RABGAP1L: variants seen among roughly 807,000 people sequenced by gnomAD.
RABGAP1L encodes rab GTPase-activating protein 1-like.
RABGAP1L carries 63 observed loss-of-function variants against 137.7 expected under a neutral mutation model. The observed-to-expected ratio is 0.46, with a 90% confidence interval of 0.37 to 0.56. The LOEUF is 0.56. Among genes scored for constraint, RABGAP1L ranks in the 20% least tolerant of loss-of-function variants. The pLI is 0.00. For missense variants in RABGAP1L, 1,095 were observed against 1,244.0 expected, an observed-to-expected ratio of 0.88 and a Z score of 1.80; for synonymous variants, 431 against 433.7, an observed-to-expected ratio of 0.99 and a Z score of 0.08.
At chr1:174,808,609 T>G (rs752243212) in intron 18 of RABGAP1L, among the ~76,000 whole-genome samples, 1 of 152,102 alleles carries the variant, frequency 6.6e-6, no homozygotes, top group African/African-American at 2.4e-5. Flanking sequence ...TATTTCATTC[T>G]CAAATACTTG....
intron 12 of RABGAP1L, among the ~76,000 whole-genome samples, chr1:174,374,774 A>T (rs1233300230): frequency 6.6e-6 from 1 of 152,218 alleles, no homozygotes; most frequent in Non-Finnish European, 1.5e-5. Flanking sequence ...TGAAGCTTTT[A>T]TAAACCTGCT....
intron 13 of RABGAP1L, among the ~76,000 whole-genome samples, chr1:174,444,438 A>G (rs1490800939): frequency 2.0e-5 from 3 of 151,916 alleles, no homozygotes; most frequent in East Asian, 1.9e-4. Flanking sequence ...TTTGGTATCA[A>G]GATAGTGCTG....
intron 19 of RABGAP1L, among the ~76,000 whole-genome samples, chr1:174,919,155 A>C (rs577267320): frequency 5.3e-4 from 81 of 151,764 alleles, no homozygotes; most frequent in African/African-American, 1.8e-3. Flanking sequence ...AGTAGCTGGG[A>C]TTACAGACAT....
At chr1:174,179,541 C>T (rs1040912568) in intron 1 of RABGAP1L, among the ~76,000 whole-genome samples, 8 of 125,506 alleles carry the variant, frequency 6.4e-5, no homozygotes, top group Admixed American at 8.8e-5. Context: ...AGTCTTAGCA[C>T]GTGCACACAC....
intron 24 of RABGAP1L, 110 bp from the exon 25 acceptor site, chr1:174,988,524 AGAAATGG>A: frequency 1.1e-6 from 1 of 899,516 alleles, no homozygotes; most frequent in Non-Finnish European, 1.6e-6. Flanking sequence ...ATTAACCTTC[AGAAATGG>A]GCCTGCATCT....
At chr1:174,647,320 T>C (rs1334786782) in intron 14 of RABGAP1L, among the ~76,000 whole-genome samples, 2 of 152,162 alleles carry the variant, frequency 1.3e-5, no homozygotes, top group African/African-American at 4.8e-5. Flanking sequence ...CTTTTGCCCA[T>C]TCAGTATGAT....
intron 21 of RABGAP1L, 24 bp from the exon 22 acceptor site, chr1:174,976,044 GTGATGTATGA>G: frequency 1.1e-6 from 1 of 946,922 alleles, no homozygotes; most frequent in Non-Finnish European, 1.5e-6. Context: ...CTGTATGACT[GTGATGTATGA>G]CTGTGATGCA....
At position 174,819,187 on chromosome 1, in the gene RABGAP1L, T is replaced by TAAAA. The variant is rs71299431; in HGVS notation, c.2340+7250_2340+7253dup. ...GACAGAGCAAGACTCTGCCTGTCTC[T>TAAAA]AAAAAAAAAAAAAAAAAAAAAAAAA... On this transcript the variant is annotated intron_variant, in intron 19 of 25. Transcript: ENST00000681986. 3.3e-4 allele frequency among the ~76,000 whole-genome samples: 15 copies of TAAAA among 44,872 alleles called. 1 individual carries two copies. The highest frequency in any genetic ancestry group is 5.3e-4 in the Non-Finnish European group (13 of 24,352). 29.4% of individuals were successfully genotyped at this position (44,872 alleles called of 152,430 possible).
At position 174,643,346 on chromosome 1, in the gene RABGAP1L, G is replaced by A. The variant is rs189622927; in HGVS notation, c.1824+5858G>A. 9.4e-4 allele frequency among the ~76,000 whole-genome samples: 143 copies of A among 152,260 alleles called. 2 individuals carry two copies. The highest frequency in any genetic ancestry group is 3.1e-3 in the African/African-American group (130 of 41,540). On this transcript the variant is annotated intron_variant, in intron 14 of 25. Coordinates refer to ENST00000681986, the MANE Select transcript of RABGAP1L (RefSeq NM_001366446.1). ...TATCTCTCCCTTGATTTCCTAGTAA[G>A]CTGCTTTGAATTATGGCAACCTTCT...
intron 19 of RABGAP1L, among the ~76,000 whole-genome samples, chr1:174,837,676 A>G (rs1692909351): frequency 6.6e-6 from 1 of 152,218 alleles, no homozygotes; most frequent in Admixed American, 6.5e-5. Flanking sequence ...GCTGAAGTTT[A>G]CAGCTGTGTC....
chr1:174,473,139 A>G (rs1190446626), intron 13 of RABGAP1L, among the ~76,000 whole-genome samples: 2 of 152,238 alleles, frequency 1.3e-5, no homozygotes, highest in African/African-American at 2.4e-5. Context: ...CCATGCGTTT[A>G]AAGTCAGCCA....
At chr1:174,920,006 C>G (rs1306684385) in intron 19 of RABGAP1L, among the ~76,000 whole-genome samples, 1 of 152,222 alleles carries the variant, frequency 6.6e-6, no homozygotes, top group Non-Finnish European at 1.5e-5. Context: ...ACCATAAGCA[C>G]TTTTGTGGAT....
chr1:174,598,292 C>T (rs1026863425), intron 13 of RABGAP1L, among the ~76,000 whole-genome samples: 3 of 142,694 alleles, frequency 2.1e-5, no homozygotes, highest in Non-Finnish European at 3.0e-5. Context: ...CGCATCACTG[C>T]ACTCCAGCCT....
chr1:174,171,026 G>C (rs1208292795), intron 1 of RABGAP1L, among the ~76,000 whole-genome samples: 4 of 152,162 alleles, frequency 2.6e-5, no homozygotes, highest in Non-Finnish European at 4.4e-5. Context: ...GTGGGTTCAA[G>C]GGATCTGTGA....
intron 13 of RABGAP1L, among the ~76,000 whole-genome samples, chr1:174,527,174 T>A (rs745384024): frequency 6.6e-6 from 1 of 151,698 alleles, no homozygotes; most frequent in Non-Finnish European, 1.5e-5. Flanking sequence ...TATTTCATTG[T>A]GGTCTGAGAA....
intron 12 of RABGAP1L, among the ~76,000 whole-genome samples, chr1:174,384,839 A>T (rs1021579870): frequency 6.6e-6 from 1 of 152,180 alleles, no homozygotes; most frequent in Non-Finnish European, 1.5e-5. Flanking sequence ...ACCACTACAG[A>T]TTTCTGTCCA....
chr1:174,683,115 G>A (rs1678208601), intron 14 of RABGAP1L, among the ~76,000 whole-genome samples: 1 of 116,860 alleles, frequency 8.6e-6, no homozygotes, highest in African/African-American at 3.4e-5. Context: ...TTGCACTTCT[G>A]TCTCAGCAAT....
chr1:174,960,623 T>C (rs182932142), intron 20 of RABGAP1L, among the ~76,000 whole-genome samples: 20 of 152,224 alleles, frequency 1.3e-4, no homozygotes, highest in African/African-American at 4.3e-4. Flanking sequence ...TTATGGTATG[T>C]GAATTACATC....
At chr1:174,741,291 G>A (rs1227244188) in intron 17 of RABGAP1L, among the ~76,000 whole-genome samples, 1 of 151,964 alleles carries the variant, frequency 6.6e-6, no homozygotes, top group Non-Finnish European at 1.5e-5. Flanking sequence ...ACATTCTTCT[G>A]CATGGCTATA....
Sources: gnomAD v4.1 joint callset for allele counts (sites outside exome capture counted in the v4.1 genomes callset) on GRCh38, gnomAD v4.1.1 for gene constraint, MANE v1.5 for transcripts, NCBI Gene and HGNC (gene_info 2026-07-23, HGNC 2026-07-21) for gene names.